Variants in HIVEP3 observed in about 807,000 individuals in gnomAD.
The protein encoded by HIVEP3 is transcription factor HIVEP3.
A neutral mutation model predicts 152.8 loss-of-function variants in HIVEP3; 49 were observed. The observed-to-expected ratio is 0.32, with a 90% CI of 0.26 to 0.41. HIVEP3 has a LOEUF of 0.41. Among genes scored for constraint, HIVEP3 ranks in the 10% least tolerant of loss-of-function variants. The pLI is 1.00. For synonymous variants in HIVEP3, 1,269 were observed against 1,289.0 expected, an observed-to-expected ratio of 0.98 and a Z score of 0.33; for missense variants, 2,790 against 3,103.3, an observed-to-expected ratio of 0.90 and a Z score of 2.40.
chr1:41,545,563 T>TCAC (rs61153724), intron 5 of HIVEP3, among the ~76,000 whole-genome samples: 3 of 52,746 alleles, frequency 5.7e-5, no homozygotes, highest in Admixed American at 1.7e-4. Flanking sequence ...ATCACTACCA[T>TCAC]CACCACCACC....
chr1:42,014,035 C>T (rs754250751), intron 1 of HIVEP3, among the ~76,000 whole-genome samples: 4 of 152,288 alleles, frequency 2.6e-5, no homozygotes, highest in Middle Eastern at 6.8e-3. Flanking sequence ...TGGCATAATG[C>T]CCCATGTTGG....
chr1:41,870,625 T>C (rs1387341143), intron 1 of HIVEP3, among the ~76,000 whole-genome samples: 1 of 152,232 alleles, frequency 6.6e-6, no homozygotes, highest in African/African-American at 2.4e-5. Context: ...ACAGGGATAA[T>C]TGATGTTACA....
chr1:41,952,582 T>C (rs1570839994), intron 1 of HIVEP3, among the ~76,000 whole-genome samples: 1 of 152,186 alleles, frequency 6.6e-6, no homozygotes, highest in African/African-American at 2.4e-5. Context: ...TTGCTTTCTA[T>C]GTAGTCTCAT....
intron 2 of HIVEP3, among the ~76,000 whole-genome samples, chr1:41,675,832 A>G (rs1318523474): frequency 6.6e-6 from 1 of 152,170 alleles, no homozygotes; most frequent in Non-Finnish European, 1.5e-5. Flanking sequence ...GGGTGAGCCC[A>G]TGGGAAGGAG....
At chr1:41,686,225 C>A (rs1646113948) in intron 2 of HIVEP3, among the ~76,000 whole-genome samples, 1 of 152,100 alleles carries the variant, frequency 6.6e-6, no homozygotes, top group Admixed American at 6.5e-5. Context: ...GCACACACCA[C>A]CACGCCAGGC....
At chr1:41,687,251 T>C (rs1188713888) in intron 2 of HIVEP3, among the ~76,000 whole-genome samples, 1 of 152,250 alleles carries the variant, frequency 6.6e-6, no homozygotes, top group Admixed American at 6.5e-5. Context: ...AAGGCATTTA[T>C]GCAACTTCTG....
intron 1 of HIVEP3, among the ~76,000 whole-genome samples, chr1:41,724,628 T>A (rs1201570523): frequency 6.6e-6 from 1 of 152,046 alleles, no homozygotes; most frequent in African/African-American, 2.4e-5. Context: ...GATGCACGGG[T>A]AATGGACAGG....
intron 5 of HIVEP3, among the ~76,000 whole-genome samples, chr1:41,526,687 ACT>A (rs1642945557): frequency 5.2e-5 from 1 of 19,364 alleles, no homozygotes; most frequent in Non-Finnish European, 9.8e-5. Context: ...GCACCCCCAC[ACT>A]CACCCTCACG....
At chr1:41,764,875 A>G (rs1647913832) in intron 1 of HIVEP3, among the ~76,000 whole-genome samples, 1 of 152,208 alleles carries the variant, frequency 6.6e-6, no homozygotes, top group Non-Finnish European at 1.5e-5. Flanking sequence ...CTGGCTCGGC[A>G]GCCAGAGCCA....
chr1:41,993,018 A>C (rs2124518370), intron 1 of HIVEP3, among the ~76,000 whole-genome samples: 1 of 148,664 alleles, frequency 6.7e-6, no homozygotes, highest in East Asian at 2.0e-4. Flanking sequence ...TTAAAGACTT[A>C]AACGTTAGAC....
chr1:41,579,034 G>A (rs777006348), intron 4 of HIVEP3, among the ~76,000 whole-genome samples: 1 of 152,190 alleles, frequency 6.6e-6, no homozygotes, highest in Non-Finnish European at 1.5e-5. Context: ...TTCAGGGGAC[G>A]AGTTCATTTT....
intron 1 of HIVEP3, among the ~76,000 whole-genome samples, chr1:41,925,592 T>C (rs12087669): frequency 6.6e-6 from 1 of 152,054 alleles, no homozygotes; most frequent in Non-Finnish European, 1.5e-5. Context: ...AATCTGCATA[T>C]AGTGGACCCG....
intron 2 of HIVEP3, among the ~76,000 whole-genome samples, chr1:41,632,722 C>T (rs151296102): frequency 0.026 from 3,902 of 151,796 alleles, 184 homozygotes; most frequent in African/African-American, 0.091. Context: ...TGCCACTGCA[C>T]TCCAGCCTGG....
At chr1:41,869,752 G>A (rs1420400024) in intron 1 of HIVEP3, 1 of 152,146 alleles carries the variant, frequency 6.6e-6, no homozygotes, top group African/African-American at 2.4e-5. Flanking sequence ...GTAAGCATAT[G>A]TCCCAACTCA....
chr1:41,542,019 G>C (rs552065276), intron 5 of HIVEP3: 2 of 152,250 alleles, frequency 1.3e-5, no homozygotes, highest in East Asian at 3.8e-4. Flanking sequence ...GCCTAGCACC[G>C]AGTGGGGCTC....
intron 2 of HIVEP3, among the ~76,000 whole-genome samples, chr1:41,653,970 A>AC (rs1645592187): frequency 6.6e-6 from 1 of 151,148 alleles, no homozygotes; most frequent in East Asian, 1.9e-4. Context: ...AAAAAAAAAA[A>AC]AAAAAAAAAA....
At chr1:41,843,006 T>C (rs765817623) in intron 1 of HIVEP3, among the ~76,000 whole-genome samples, 1 of 152,198 alleles carries the variant, frequency 6.6e-6, no homozygotes, top group Non-Finnish European at 1.5e-5. Flanking sequence ...AAAAGCAATG[T>C]ACCCTGGAAA....
chr1:41,699,735 G>A (rs1646332808), intron 2 of HIVEP3, among the ~76,000 whole-genome samples: 1 of 152,080 alleles, frequency 6.6e-6, no homozygotes. Flanking sequence ...GTCCTGCCCT[G>A]GGCCCCTATT....
At chr1:41,545,369 C>T (rs1329466524) in intron 5 of HIVEP3, among the ~76,000 whole-genome samples, 392 of 13,448 alleles carry the variant, frequency 0.029, no homozygotes, top group African/African-American at 0.073. Flanking sequence ...CCATCACCAC[C>T]ACCACCACTA....
Sources: gnomAD v4.1 joint callset for allele counts (sites outside exome capture counted in the v4.1 genomes callset) on GRCh38, gnomAD v4.1.1 for gene constraint, MANE v1.5 for transcripts, NCBI Gene and HGNC (gene_info 2026-07-23, HGNC 2026-07-21) for gene names.